CRYBG3: variants seen among roughly 807,000 people sequenced by gnomAD.
CRYBG3 encodes very large A-kinase anchor protein.
CRYBG3 carries 127 observed loss-of-function variants against 244.2 expected under a neutral mutation model. The observed-to-expected ratio is 0.52, with a 90% confidence interval of 0.45 to 0.60. The LOEUF (loss-of-function observed/expected upper bound fraction) is 0.60. CRYBG3 is among the 20% of genes least tolerant of loss of function. CRYBG3 has a pLI of 0.00. For synonymous variants in CRYBG3, 1,132 were observed against 1,195.8 expected, an observed-to-expected ratio of 0.95 and a Z score of 1.10; for missense variants, 3,325 against 3,442.5, an observed-to-expected ratio of 0.97 and a Z score of 0.85.
intron 2 of CRYBG3, among the ~76,000 whole-genome samples, chr3:97,846,277 T>C (rs1167363990): frequency 6.6e-6 from 1 of 152,216 alleles, no homozygotes; most frequent in Non-Finnish European, 1.5e-5. Context: ...GGCTACTTCC[T>C]TCAGTTTCCA....
rs1452745541 is a variant in CRYBG3, at chr3:97,873,954, T to C, written c.2760T>C (p.Asp920=). The part of the protein sequence containing the change: ...ELSPAASKYE[D]KPEPEVDALG... ...CTCCTGCTGCCTCCAAATATGAAGA[T>C]AAGCCAGAACCAGAGGTAGATGCCT... The change falls in exon 4 of 22, where the codon GAT becomes GAC. Residue 920 remains aspartate, a synonymous_variant. Coordinates refer to ENST00000389622, the MANE Select transcript of CRYBG3 (RefSeq NM_153605.4). 3.3e-6 allele frequency: 5 copies of C among 1,535,370 alleles called. No homozygotes were observed. The African/African-American group carries it at 6.8e-5, about 21-fold the overall frequency.
chr3:97,830,477 T>C (rs1000443724), intron 1 of CRYBG3, among the ~76,000 whole-genome samples: 3 of 150,084 alleles, frequency 2.0e-5, no homozygotes, highest in Non-Finnish European at 4.4e-5. Context: ...CTTTCTTGGT[T>C]AACTCCTCCT....
At chr3:97,908,856 AT>A (rs562680574) in intron 15 of CRYBG3, among the ~76,000 whole-genome samples, 189 of 152,204 alleles carry the variant, frequency 1.2e-3, no homozygotes, top group African/African-American at 4.4e-3. Flanking sequence ...TGGTCGTTAC[AT>A]TTTGGCATGA....
At chr3:97,887,766 CAACAAA>C (rs966554611) in intron 8 of CRYBG3, among the ~76,000 whole-genome samples, 1 of 151,882 alleles carries the variant, frequency 6.6e-6, no homozygotes, top group African/African-American at 2.4e-5. Context: ...CAAGAAAAAA[CAACAAA>C]AACAAAAACA....
Position 97,937,042 on chromosome 3 carries a change from G to A in CRYBG3, c.8505+134G>A, listed in dbSNP as rs971560063. ...TAGTAGGGGGAGTGAATTAGGATGC[G>A]GATATCTTGTACATTTTAACCAATT... On this transcript the variant is annotated intron_variant, in intron 19 of 21. Transcript: ENST00000389622. 51 of 925,516 alleles carry A rather than the reference G, an allele frequency of 5.5e-5. No individual in the cohort carries two copies. The African/African-American group carries it at 6.5e-4, about 12-fold the overall frequency. 57.3% of individuals were successfully genotyped at this position (925,516 alleles called of 1,614,324 possible). A position where few individuals can be genotyped will look rare whatever the true frequency, so the allele number is the denominator to read the frequency against.
intron 17 of CRYBG3, among the ~76,000 whole-genome samples, chr3:97,925,253 A>G (rs905756153): frequency 1.2e-4 from 18 of 152,284 alleles, no homozygotes; most frequent in African/African-American, 4.1e-4. Flanking sequence ...CATCCAAAGG[A>G]TGTTAACCCT....
At position 97,874,273 on chromosome 3, in the gene CRYBG3, A is replaced by G; in HGVS notation, c.3079A>G (p.Ser1027Gly). The G allele has an allele frequency of 1.3e-6, 2 of 1,534,884 alleles. No homozygotes were observed. The highest frequency in any genetic ancestry group is 2.0e-5 in the Admixed American group (1 of 50,768). The change falls in exon 4 of 22, where the codon AGC becomes GGC. Residue 1027 changes from serine to glycine, a missense_variant. Physicochemically the swap from Ser to Gly is moderately conservative, Grantham distance 56 (BLOSUM62 0). This residue lies in a region of CRYBG3 where 1,526 missense variants were observed against 1,443.2 expected (regional missense o/e 1.06). Coordinates refer to ENST00000389622, the MANE Select transcript of CRYBG3 (RefSeq NM_153605.4). Reference sequence around the variant, plus strand: ...AAATTCTTCTGCATCTGAGGACTCAAGCTTCCTTAAAGTACCTTCTGTGCT... The same window carrying G: ...AAATTCTTCTGCATCTGAGGACTCAGGCTTCCTTAAAGTACCTTCTGTGCT... ...EKNSSASEDSSFLKVPSVLKL... is the reference protein window; with the variant it reads ...EKNSSASEDSGFLKVPSVLKL...
rs770638634 is a variant in CRYBG3 at position 97,874,462 on chromosome 3, A to T, written c.3268A>T (p.Lys1090Ter). 1 of 1,534,654 alleles carries T rather than the reference A, an allele frequency of 6.5e-7. No individual in the cohort carries two copies. Among genetic ancestry groups the T allele is most frequent in the Non-Finnish European group, 8.7e-7 (1 of 1,146,378 alleles). ...QNNLDSIQVT[K>*]DLTHEGTSVT... is the part of the protein sequence containing the mutation. Reference sequence around the variant, plus strand: ...TAATTTGGATTCTATACAAGTTACCAAAGATCTCACACATGAAGGTACCTC... The same window carrying T: ...TAATTTGGATTCTATACAAGTTACCTAAGATCTCACACATGAAGGTACCTC... The change falls in exon 4 of 22, where the codon AAA becomes TAA. Residue 1090 changes from lysine (K) to a stop codon, truncating the protein, a stop_gained. Transcript: ENST00000389622. LOFTEE classifies it high-confidence loss of function.
intron 1 of CRYBG3, among the ~76,000 whole-genome samples, chr3:97,841,976 C>A (rs968469191): frequency 1.3e-5 from 2 of 152,172 alleles, no homozygotes; most frequent in African/African-American, 2.4e-5. Flanking sequence ...TCTGAGGGTA[C>A]TTTACTGAGT....
chr3:97,858,999 G>A (rs1190086031), intron 2 of CRYBG3, among the ~76,000 whole-genome samples: 1 of 151,890 alleles, frequency 6.6e-6, no homozygotes, highest in African/African-American at 2.4e-5. Context: ...GATACATGGT[G>A]TCTGGCTTTG....
At chr3:97,889,255 G>T in intron 9 of CRYBG3, 100 bp from the exon 10 acceptor site, 1 of 934,690 alleles carries the variant, frequency 1.1e-6, no homozygotes, top group Non-Finnish European at 1.7e-6. Flanking sequence ...ATCTTCACTG[G>T]TTAGATTTTT....
In CRYBG3 at chr3:97,864,423, G is replaced by A; in HGVS notation, c.423G>A (p.Lys141=). 1 of 1,535,762 alleles carries A rather than the reference G, an allele frequency of 6.5e-7. No individual in the cohort carries two copies. ...GGAAATCATCTCTAGGTGAAGCTAA[G>A]CAGTCTTCTTTCAAAGATGACCAGG... is the stretch of plus-strand genomic sequence containing the variant. ...ISGKSSLGEA[K]QSSFKDDQDK... is the part of the protein sequence containing the mutation. Residue 141 remains lysine, a synonymous_variant, in exon 3 of 22, where the codon AAG becomes AAA. Coordinates refer to ENST00000389622, the MANE Select transcript of CRYBG3 (RefSeq NM_153605.4).
chr3:97,893,415 A>G (rs2039604258), intron 11 of CRYBG3, among the ~76,000 whole-genome samples: 1 of 152,234 alleles, frequency 6.6e-6, no homozygotes, highest in Non-Finnish European at 1.5e-5. Context: ...TTCCAAAGTC[A>G]AGGATTTTTG....
intron 15 of CRYBG3, among the ~76,000 whole-genome samples, chr3:97,905,466 G>A (rs1439823557): frequency 6.6e-6 from 1 of 151,568 alleles, no homozygotes; most frequent in Non-Finnish European, 1.5e-5. Flanking sequence ...TCTCATTGTG[G>A]TTTTGATTTG....
intron 1 of CRYBG3, among the ~76,000 whole-genome samples, chr3:97,839,098 T>A (rs2038776334): frequency 6.6e-6 from 1 of 152,146 alleles, no homozygotes; most frequent in South Asian, 2.1e-4. Context: ...AATTCTGCTC[T>A]TCACCCCCTG....
At chr3:97,886,821 T>A in intron 8 of CRYBG3, 54 bp downstream of exon 8, 2 of 1,416,890 alleles carry the variant, frequency 1.4e-6, no homozygotes, top group Non-Finnish European at 1.9e-6. Context: ...ATTTCATATT[T>A]CAATAGATGA....
chr3:97,912,354 A>G (rs2039881998), intron 16 of CRYBG3, 78 bp downstream of exon 16: 1 of 655,166 alleles, frequency 1.5e-6, no homozygotes, highest in Non-Finnish European at 2.5e-6. Flanking sequence ...TATTTTTTGC[A>G]TGCACAGTGA....
intron 1 of CRYBG3, among the ~76,000 whole-genome samples, chr3:97,841,326 A>G (rs1474823425): frequency 6.6e-6 from 1 of 150,674 alleles, no homozygotes; most frequent in Non-Finnish European, 1.5e-5. Context: ...ATACGCATAT[A>G]TATATGTATA....
At chr3:97,941,021 G>T (rs2201151) in intron 19 of CRYBG3, 127 bp from the exon 20 acceptor site, 342,145 of 680,548 alleles carry the variant, frequency 0.5, 88,280 homozygotes, top group East Asian at 0.7. Context: ...TTACTAAAGG[G>T]AATAAGAGTG....
Sources: gnomAD v4.1 joint callset for allele counts (sites outside exome capture counted in the v4.1 genomes callset) on GRCh38, gnomAD v4.1.1 for gene constraint, gnomAD v4.1.1 regional missense constraint, MANE v1.5 for transcripts, NCBI Gene and HGNC (gene_info 2026-07-23, HGNC 2026-07-21) for gene names.